SORCS2: variants seen among roughly 807,000 people sequenced by gnomAD.
SORCS2 encodes the protein VPS10 domain-containing receptor SorCS2.
A neutral mutation model predicts 141.6 loss-of-function variants in SORCS2; 100 were observed. That is an observed-to-expected ratio of 0.71 (90% CI 0.60 to 0.83). SORCS2 has a LOEUF of 0.83. Ranked by LOEUF, SORCS2 falls within the 40% of genes least tolerant of loss-of-function variation. SORCS2 has a pLI of 0.00. For synonymous variants in SORCS2, 789 were observed against 676.9 expected (o/e 1.17, Z -2.57); for missense variants, 1,646 against 1,560.2 (o/e 1.05, Z -0.93).
intron 5 of SORCS2, 69 bp downstream of exon 5, chr4:7,654,276 T>A (rs1721616918): frequency 6.7e-7 from 1 of 1,494,092 alleles, no homozygotes; most frequent in Non-Finnish European, 9.1e-7. Context: ...CCCCAAACCC[T>A]TGGGAGCCCA....
At chr4:7,609,811 T>C (rs1315496083) in intron 3 of SORCS2, among the ~76,000 whole-genome samples, 1 of 152,206 alleles carries the variant, frequency 6.6e-6, no homozygotes, top group Non-Finnish European at 1.5e-5. Flanking sequence ...TCATGGTGAC[T>C]TGTCTCTTGT....
chr4:7,284,026 G>A (rs755482960), intron 1 of SORCS2, among the ~76,000 whole-genome samples: 16 of 152,190 alleles, frequency 1.1e-4, no homozygotes, highest in Admixed American at 4.6e-4. Context: ...CGTTACTACA[G>A]CGTCTGATCT....
At chr4:7,242,163 A>G (rs1560134661) in intron 1 of SORCS2, among the ~76,000 whole-genome samples, 1 of 152,186 alleles carries the variant, frequency 6.6e-6, no homozygotes, top group Non-Finnish European at 1.5e-5. Context: ...CGTGAGAGTC[A>G]CATGAGTGTT....
intron 3 of SORCS2, among the ~76,000 whole-genome samples, chr4:7,597,896 AGGAAG>A (rs1395905325): frequency 6.7e-6 from 1 of 150,144 alleles, no homozygotes; most frequent in Non-Finnish European, 1.5e-5. Context: ...GCGGATTCCC[AGGAAG>A]GGCCATTGAG....
At chr4:7,413,933 C>A (rs968214560) in intron 2 of SORCS2, among the ~76,000 whole-genome samples, 1 of 151,976 alleles carries the variant, frequency 6.6e-6, no homozygotes, top group African/African-American at 2.4e-5. Context: ...GGGATTCTGG[C>A]GTGGCTTTGG....
intron 24 of SORCS2, 54 bp downstream of exon 24, chr4:7,733,475 G>A (rs1224583154): frequency 1.2e-5 from 17 of 1,431,492 alleles, no homozygotes; most frequent in Non-Finnish European, 1.3e-5. Context: ...TCCGGGCCCT[G>A]GAGAAGCCAT....
chr4:7,271,468 C>G (rs1715125040), intron 1 of SORCS2, among the ~76,000 whole-genome samples: 1 of 152,180 alleles, frequency 6.6e-6, no homozygotes, highest in Non-Finnish European at 1.5e-5. Context: ...CCCTTCCCCA[C>G]TTCCTTCAGG....
At chr4:7,265,937 T>C (rs888135665) in intron 1 of SORCS2, among the ~76,000 whole-genome samples, 2 of 152,014 alleles carry the variant, frequency 1.3e-5, no homozygotes, top group Admixed American at 6.6e-5. Context: ...GCTGAAGTTG[T>C]TTGTCGAAAA....
chr4:7,684,324 A>G (rs1723743839), intron 10 of SORCS2, among the ~76,000 whole-genome samples: 1 of 152,226 alleles, frequency 6.6e-6, no homozygotes, highest in South Asian at 2.1e-4. Flanking sequence ...AGATGAAAGA[A>G]TGCAGAGACT....
At chr4:7,602,089 C>T (rs1321104574) in intron 3 of SORCS2, among the ~76,000 whole-genome samples, 1 of 152,224 alleles carries the variant, frequency 6.6e-6, no homozygotes, top group Non-Finnish European at 1.5e-5. Context: ...GACACAGCAA[C>T]AATCTGGTTT....
intron 2 of SORCS2, among the ~76,000 whole-genome samples, chr4:7,490,643 C>T: frequency 6.6e-6 from 1 of 152,172 alleles, no homozygotes; most frequent in Admixed American, 6.5e-5. Context: ...TCAGATAGCT[C>T]AGTTCCCAGT....
intron 3 of SORCS2, among the ~76,000 whole-genome samples, chr4:7,565,683 A>G (rs956095213): frequency 1.3e-5 from 2 of 149,486 alleles, no homozygotes; most frequent in Non-Finnish European, 3.0e-5. Flanking sequence ...TGATGTGATG[A>G]TGGTGATGTT....
intron 2 of SORCS2, among the ~76,000 whole-genome samples, chr4:7,528,049 C>G (rs544769487): frequency 6.6e-5 from 10 of 151,616 alleles, no homozygotes; most frequent in East Asian, 1.9e-4. Flanking sequence ...CTCTGTCTCT[C>G]TCTGTCTCTC....
chr4:7,740,097 C>A, intron 26 of SORCS2, 103 bp from the exon 27 acceptor site: 1 of 940,544 alleles, frequency 1.1e-6, no homozygotes, highest in Non-Finnish European at 1.7e-6. Context: ...GCCCACTGCA[C>A]GTTGGCTCGA....
At chr4:7,377,906 G>A (rs1262975802) in intron 1 of SORCS2, among the ~76,000 whole-genome samples, 1 of 152,140 alleles carries the variant, frequency 6.6e-6, no homozygotes, top group East Asian at 1.9e-4. Flanking sequence ...TTCACCCTGG[G>A]GAGATCTTTT....
At chr4:7,707,750 T>C (rs1362306255) in intron 14 of SORCS2, among the ~76,000 whole-genome samples, 1 of 152,184 alleles carries the variant, frequency 6.6e-6, no homozygotes, top group Non-Finnish European at 1.5e-5. Context: ...GCTCAGTGAA[T>C]GTGGCTTGAA....
Position 7,740,697 on chromosome 4 carries a change from T to C in SORCS2, c.*433T>C, listed in dbSNP as rs1416225522. The C allele has an allele frequency of 7.1e-6, 2 of 281,298 alleles. No individual in the cohort carries two copies. The highest frequency in any genetic ancestry group is 4.3e-5 in the African/African-American group (2 of 46,748). The allele number at this position is 281,298 out of a possible 1,614,324, so 17.4% of individuals were successfully genotyped here. On this transcript the variant is annotated 3_prime_UTR_variant, in exon 27 of 27. Transcript: ENST00000507866. ...CGCAGAGGCCGGGGCCTCCCTGACT[T>C]TGCTTCTTCACTCCCACCTGTGCGG...
chr4:7,453,366 GTGTGTTGGGGTCAGGCAC>G (rs1440791217), intron 2 of SORCS2, among the ~76,000 whole-genome samples: 4 of 124,734 alleles, frequency 3.2e-5, no homozygotes, highest in Admixed American at 1.7e-4. Context: ...GTCAGGAGCT[GTGTGTTGGGGTCAGGCAC>G]TGTGTTGGGG....
intron 1 of SORCS2, among the ~76,000 whole-genome samples, chr4:7,217,360 T>G (rs139488724): frequency 1.3e-3 from 193 of 152,088 alleles, no homozygotes; most frequent in African/African-American, 4.5e-3. Context: ...GATGGATGAG[T>G]GGACACTGAG....
Sources: allele counts gnomAD v4.1 joint callset (sites outside exome capture counted in the v4.1 genomes callset), GRCh38; gene constraint gnomAD v4.1.1; transcripts MANE v1.5; gene names NCBI Gene and HGNC (gene_info 2026-07-23, HGNC 2026-07-21).